Variants in BPGM observed in about 807,000 individuals in gnomAD.
BPGM encodes the protein bisphosphoglycerate mutase, also known as 2,3-bisphosphoglycerate mutase, erythrocyte.
A neutral mutation model predicts 21.6 loss-of-function variants in BPGM; 15 were observed. The ratio of observed to expected loss-of-function variants is 0.70; its 90% CI spans 0.47 to 1.07. BPGM has a LOEUF of 1.07. BPGM is among the 50% of genes least tolerant of loss of function. The pLI, the probability that BPGM is intolerant of heterozygous loss-of-function variation, is 0.00. For synonymous variants in BPGM, 113 were observed against 116.2 expected (o/e 0.97, Z 0.18); for missense variants, 273 against 319.0 (o/e 0.86, Z 1.10).
At position 134,679,085 on chromosome 7, in the gene BPGM, G is replaced by A. The variant is rs1163299809; in HGVS notation, c.*54G>A. ...TGCAAAAGAAGTGGCATAGGAGTGT[G>A]TTATGGGTGCTGAACTCTCTCTCTT... On this transcript the variant is annotated 3_prime_UTR_variant, in exon 3 of 3. Coordinates refer to ENST00000344924, the MANE Select transcript of BPGM (RefSeq NM_001724.5). 25 of 1,580,160 alleles carry A rather than the reference G, an allele frequency of 1.6e-5. No homozygotes were observed. In the East Asian group the frequency reaches 5.2e-4, roughly 33 times the overall value.
intron 2 of BPGM, 90 bp downstream of exon 2, chr7:134,662,198 A>G: frequency 6.6e-7 from 1 of 1,509,462 alleles, no homozygotes; most frequent in South Asian, 1.1e-5. Flanking sequence ...CCCTATTTAC[A>G]CAATAGACTC....
intron 1 of BPGM, among the ~76,000 whole-genome samples, chr7:134,655,571 T>A (rs943349979): frequency 6.6e-5 from 10 of 152,208 alleles, no homozygotes; most frequent in African/African-American, 2.4e-4. Context: ...ATTATGGCCA[T>A]CCATGAACAT....
rs1796022685 is a variant in BPGM, at chr7:134,678,959, T to C, written c.708T>C (p.Gly236=). 6.2e-7 allele frequency: 1 copy of C among 1,614,006 alleles called. No individual in the cohort carries two copies. The highest frequency in any genetic ancestry group is 1.7e-5 in the Admixed American group (1 of 59,984). ...LRAVGPHQFL[G]DQEAIQAAIK... is the part of the protein sequence containing the mutation. ...CTGTTGGGCCTCATCAGTTCCTGGGTGACCAAGAGGCGATCCAAGCAGCCA... is the reference window on the plus strand; with the variant it reads ...CTGTTGGGCCTCATCAGTTCCTGGGCGACCAAGAGGCGATCCAAGCAGCCA... The change falls in exon 3 of 3, where the codon GGT becomes GGC. Residue 236 remains glycine, a synonymous_variant. Coordinates refer to ENST00000344924, the MANE Select transcript of BPGM (RefSeq NM_001724.5).
Position 134,661,115 on chromosome 7 carries a change from CA to C in BPGM, c.-61-331del, listed in dbSNP as rs1795723048. ...GTCATTCTTTCAGACGTCTGTAACTCATTCTATTAAATCCTTTCTACTGTAA... is the reference window on the plus strand; with the variant it reads ...GTCATTCTTTCAGACGTCTGTAACTCTTCTATTAAATCCTTTCTACTGTAA... On this transcript the variant is annotated intron_variant, in intron 1 of 2. Transcript: ENST00000344924. The surrounding 1 kb of genome is among the most constrained non-coding windows in gnomAD (Gnocchi z 4.6). Among the ~76,000 whole-genome samples, 2 of 152,346 alleles carry C rather than the reference CA, an allele frequency of 1.3e-5. No individual in the cohort carries two copies. The highest frequency in any genetic ancestry group is 1.3e-4 in the Admixed American group (2 of 15,310).
intron 1 of BPGM, among the ~76,000 whole-genome samples, chr7:134,657,612 C>T (rs1195710575): frequency 3.3e-5 from 5 of 152,126 alleles, no homozygotes; most frequent in African/African-American, 4.8e-5. Flanking sequence ...CTGAACCTAA[C>T]CCTAGGGTAT....
At chr7:134,668,092 T>C (rs1795847107) in intron 2 of BPGM, among the ~76,000 whole-genome samples, 1 of 152,174 alleles carries the variant, frequency 6.6e-6, no homozygotes, top group Non-Finnish European at 1.5e-5. Context: ...AGAGTGTTGG[T>C]TCTGAAGATG....
At chr7:134,671,403 C>T (rs760823483) in intron 2 of BPGM, among the ~76,000 whole-genome samples, 5 of 149,062 alleles carry the variant, frequency 3.4e-5, no homozygotes, top group African/African-American at 1.3e-4. Flanking sequence ...GCTCTGTTGC[C>T]CAGGCTGGAG....
chr7:134,648,458 C>G (rs1795505358), intron 1 of BPGM, among the ~76,000 whole-genome samples: 1 of 152,050 alleles, frequency 6.6e-6, no homozygotes, highest in Non-Finnish European at 1.5e-5. Context: ...AACTGCCTCC[C>G]GTGAGTCCAG....
intron 1 of BPGM, among the ~76,000 whole-genome samples, chr7:134,648,131 G>GT (rs139722217): frequency 1.8e-4 from 26 of 145,320 alleles, no homozygotes; most frequent in African/African-American, 4.9e-4. Flanking sequence ...CTTTTGTTTT[G>GT]GTTTTTTTTT....
At chr7:134,674,058 G>A (rs759075268) in intron 2 of BPGM, among the ~76,000 whole-genome samples, 9 of 151,624 alleles carry the variant, frequency 5.9e-5, no homozygotes, top group Non-Finnish European at 1.0e-4. Context: ...GATTACAGGC[G>A]TCCACCACCA....
At chr7:134,669,452 TAA>T (rs1795870877) in intron 2 of BPGM, among the ~76,000 whole-genome samples, 1 of 152,170 alleles carries the variant, frequency 6.6e-6, no homozygotes, top group Non-Finnish European at 1.5e-5. Context: ...TCTTTAGCCT[TAA>T]TTGGGCCTTC....
At chr7:134,667,226 T>A (rs1213670221) in intron 2 of BPGM, among the ~76,000 whole-genome samples, 1 of 152,244 alleles carries the variant, frequency 6.6e-6, no homozygotes, top group Non-Finnish European at 1.5e-5. Flanking sequence ...TTCATGTGTA[T>A]GTGTTTATGG....
chr7:134,663,795 C>T (rs1469599079), intron 2 of BPGM, among the ~76,000 whole-genome samples: 1 of 152,152 alleles, frequency 6.6e-6, no homozygotes, highest in African/African-American at 2.4e-5. Flanking sequence ...GACTCTTCAC[C>T]TATCTTCAAA....
intron 1 of BPGM, among the ~76,000 whole-genome samples, chr7:134,656,128 A>G (rs768906456): frequency 3.3e-5 from 5 of 152,150 alleles, no homozygotes; most frequent in Non-Finnish European, 7.4e-5. Flanking sequence ...GACCTACTAA[A>G]TCAAGCTCTG....
rs1795734363 is a variant in BPGM at position 134,661,673 on chromosome 7, T to C, written c.166T>C (p.Phe56Leu). ...GTTAAACTTTGAGTTTGATCTTGTATTCACATCTGTCCTTAATCGGTCCAT... is the reference window on the plus strand; with the variant it reads ...GTTAAACTTTGAGTTTGATCTTGTACTCACATCTGTCCTTAATCGGTCCAT... ...KALNFEFDLVFTSVLNRSIHT... is the reference protein window; with the variant it reads ...KALNFEFDLVLTSVLNRSIHT... Residue 56 changes from phenylalanine (F) to leucine (L), a missense_variant, in exon 2 of 3, where the codon TTC becomes CTC. Coordinates refer to ENST00000344924, the MANE Select transcript of BPGM (RefSeq NM_001724.5). This position sits in a 1 kb window ranked among gnomAD's most constrained non-coding sequence, Gnocchi z 4.6. The C allele has an allele frequency of 1.2e-6, 2 of 1,614,052 alleles. No individual in the cohort carries two copies. Among genetic ancestry groups the C allele is most frequent in the South Asian group, 2.2e-5 (2 of 91,092 alleles).
chr7:134,655,990 C>A (rs941837458), intron 1 of BPGM, among the ~76,000 whole-genome samples: 1 of 152,180 alleles, frequency 6.6e-6, no homozygotes, highest in Non-Finnish European at 1.5e-5. Flanking sequence ...GGTCAGCAGG[C>A]CTGACCTACT....
intron 2 of BPGM, among the ~76,000 whole-genome samples, chr7:134,673,351 T>C (rs1795936235): frequency 6.6e-6 from 1 of 152,166 alleles, no homozygotes; most frequent in African/African-American, 2.4e-5. Flanking sequence ...ATTGGAAACA[T>C]TTCTATTTTT....
chr7:134,667,991 C>T (rs1311382661), intron 2 of BPGM, among the ~76,000 whole-genome samples: 1 of 152,156 alleles, frequency 6.6e-6, no homozygotes, highest in Non-Finnish European at 1.5e-5. Flanking sequence ...TCTCAAATTG[C>T]TTTAAGATCT....
At chr7:134,676,558 C>T (rs1795986014) in intron 2 of BPGM, among the ~76,000 whole-genome samples, 1 of 152,182 alleles carries the variant, frequency 6.6e-6, no homozygotes, top group Non-Finnish European at 1.5e-5. Context: ...TCAGTGTACT[C>T]ATGCTCTTGT....
Sources: gnomAD v4.1 joint callset for allele counts (sites outside exome capture counted in the v4.1 genomes callset) on GRCh38, gnomAD v4.1.1 for gene constraint, Gnocchi (gnomAD v3.1) non-coding constraint, MANE v1.5 for transcripts, NCBI Gene and HGNC (gene_info 2026-07-23, HGNC 2026-07-21) for gene names.